ARMC1: variants seen among roughly 807,000 people sequenced by gnomAD.
ARMC1 encodes the protein armadillo repeat containing 1.
ARMC1 carries 16 observed loss-of-function variants against 31.4 expected under a neutral mutation model. The observed-to-expected ratio is 0.51, with a 90% confidence interval of 0.34 to 0.77. The LOEUF (loss-of-function observed/expected upper bound fraction) is 0.77, where lower values mean the gene tolerates loss of function less well. Ranked by LOEUF, ARMC1 falls within the 30% of genes least tolerant of loss-of-function variation. ARMC1 has a pLI of 0.01. For missense variants in ARMC1, 259 were observed against 347.5 expected (o/e 0.75, Z 2.02); for synonymous variants, 114 against 118.9 (o/e 0.96, Z 0.27).
At chr8:65,626,330 A>G (rs1191444582) in intron 2 of ARMC1, among the ~76,000 whole-genome samples, 2 of 151,946 alleles carry the variant, frequency 1.3e-5, no homozygotes, top group African/African-American at 2.4e-5. Flanking sequence ...TGGGCCGGGC[A>G]CAGTGGCTCA....
intron 3 of ARMC1, among the ~76,000 whole-genome samples, chr8:65,614,741 A>G (rs149754485): frequency 1.5e-3 from 224 of 152,280 alleles, no homozygotes; most frequent in Admixed American, 3.6e-3. Flanking sequence ...TCTTTGTTCT[A>G]GAATGCTTTC....
intron 2 of ARMC1, among the ~76,000 whole-genome samples, chr8:65,622,839 C>T (rs1484919833): frequency 6.6e-6 from 1 of 151,822 alleles, no homozygotes; most frequent in African/African-American, 2.4e-5. Context: ...AACCTCACCT[C>T]TACTAAAAAT....
At chr8:65,617,967 G>C (rs1372642624) in intron 3 of ARMC1, among the ~76,000 whole-genome samples, 1 of 151,952 alleles carries the variant, frequency 6.6e-6, no homozygotes, top group Non-Finnish European at 1.5e-5. Flanking sequence ...CCAGGCTGGA[G>C]TGCAGTGGCG....
intron 1 of ARMC1, chr8:65,632,908 T>C (rs377693380): frequency 6.6e-6 from 1 of 152,374 alleles, no homozygotes; most frequent in South Asian, 2.1e-4. Flanking sequence ...CTTTACTTTC[T>C]CTTGTTTAGT....
Position 65,602,534 on chromosome 8 carries a change from T to C in ARMC1, c.*1860A>G, listed in dbSNP as rs563723923. 6.6e-6 allele frequency: 1 copy of C among 152,246 alleles called. No individual in the cohort carries two copies. The highest frequency in any genetic ancestry group is 2.4e-5 in the African/African-American group (1 of 41,472). The allele number at this position is 152,246 out of a possible 1,614,324, so 9.4% of individuals were successfully genotyped here. On this transcript the variant is annotated 3_prime_UTR_variant, in exon 7 of 7. Coordinates refer to ENST00000276569, the MANE Select transcript of ARMC1 (RefSeq NM_018120.6). ...TTCAAAAAATGCTGTTACAGTTGTCTTAACTACTCTATATGATCTGGAATA... is the reference window on the plus strand; with the variant it reads ...TTCAAAAAATGCTGTTACAGTTGTCCTAACTACTCTATATGATCTGGAATA...
chr8:65,622,240 G>C (rs1342919108), intron 3 of ARMC1, 23 bp downstream of exon 3: 1 of 1,558,018 alleles, frequency 6.4e-7, no homozygotes, highest in Non-Finnish European at 8.8e-7. Context: ...ATAAATAAAT[G>C]AGACACTGTC....
At chr8:65,632,562 G>A (rs1208178085) in intron 1 of ARMC1, among the ~76,000 whole-genome samples, 1 of 151,836 alleles carries the variant, frequency 6.6e-6, no homozygotes, top group East Asian at 1.9e-4. Context: ...GCAGTGAGCC[G>A]AGATTGTGCC....
At chr8:65,623,808 T>TTA (rs1356131721) in intron 2 of ARMC1, among the ~76,000 whole-genome samples, 1 of 142,098 alleles carries the variant, frequency 7.0e-6, no homozygotes, top group African/African-American at 2.6e-5. Context: ...TTTTTTTTTT[T>TTA]TTTGGTGTGA....
Position 65,605,556 on chromosome 8 carries a change from A to C in ARMC1, c.466-18T>G, listed in dbSNP as rs779022449. On this transcript the variant is annotated intron_variant, in intron 4 of 6. Coordinates refer to ENST00000276569, the MANE Select transcript of ARMC1 (RefSeq NM_018120.6). The stretch of plus-strand genomic sequence containing the variant: ...CTCCGAGACTGAAAAAGTAAAAGCA[A>C]ATTGTTATGAAAATAGGTAAATAAA... 1 of 1,532,134 alleles carries C rather than the reference A, an allele frequency of 6.5e-7. No individual in the cohort carries two copies. The highest frequency in any genetic ancestry group is 1.1e-5 in the South Asian group (1 of 89,190). The allele number at this position is 1,532,134 out of a possible 1,614,324, so 94.9% of individuals were successfully genotyped here.
rs201008780 is a variant in ARMC1, at chr8:65,623,786, CTTTTTTTTTTTTT to C, written c.184-1445_184-1433del. Among the ~76,000 whole-genome samples the C allele has an allele frequency of 7.3e-4, 19 of 26,088 alleles. 1 individual carries two copies. The East Asian group carries it at 0.019, about 27-fold the overall frequency. The allele number at this position is 26,088 out of a possible 152,430, so 17.1% of individuals were successfully genotyped here. ...ATGCCAGAAGACAACAAAGTAAAATCTTTTTTTTTTTTTTTTTTTTTTTTTGGTGTGATGGAGT... is the reference window on the plus strand; with the variant it reads ...ATGCCAGAAGACAACAAAGTAAAATCTTTTTTTTTTTTGGTGTGATGGAGT... On this transcript the variant is annotated intron_variant, in intron 2 of 6. Coordinates refer to ENST00000276569, the MANE Select transcript of ARMC1 (RefSeq NM_018120.6).
intron 1 of ARMC1, among the ~76,000 whole-genome samples, chr8:65,631,744 C>A (rs1362644844): frequency 1.3e-5 from 2 of 152,114 alleles, no homozygotes; most frequent in African/African-American, 4.8e-5. Context: ...AAAATGTCCG[C>A]CTTTGCTGGG....
chr8:65,630,803 T>C (rs2129044618), intron 1 of ARMC1, among the ~76,000 whole-genome samples: 1 of 142,790 alleles, frequency 7.0e-6, no homozygotes, highest in South Asian at 2.3e-4. Context: ...TGGGCAACAG[T>C]GCCAGACTCC....
chr8:65,611,608 G>GT (rs1323006540), intron 4 of ARMC1, among the ~76,000 whole-genome samples: 1 of 151,814 alleles, frequency 6.6e-6, no homozygotes, highest in Non-Finnish European at 1.5e-5. Flanking sequence ...TTTTCTTAAG[G>GT]TAGAAGCTTA....
chr8:65,628,529 G>A (rs929778096), intron 1 of ARMC1, among the ~76,000 whole-genome samples: 7 of 148,618 alleles, frequency 4.7e-5, no homozygotes, highest in Non-Finnish European at 7.4e-5. Flanking sequence ...TTACAGGCAT[G>A]AGCCACCGTG....
chr8:65,617,239 A>C (rs1808290812), intron 3 of ARMC1, among the ~76,000 whole-genome samples: 3 of 152,236 alleles, frequency 2.0e-5, no homozygotes, highest in African/African-American at 7.2e-5. Flanking sequence ...GTGTAGAAAG[A>C]AGTAGACATA....
In ARMC1 at chr8:65,603,219, A is replaced by C. The variant is rs1041674385; in HGVS notation, c.*1175T>G. Reference sequence around the variant, plus strand: ...TAATTAGCACTTATCTACCAAAAAAACATATGTGTATGTATTTATTTATCT... The same window carrying C: ...TAATTAGCACTTATCTACCAAAAAACCATATGTGTATGTATTTATTTATCT... On this transcript the variant is annotated 3_prime_UTR_variant, in exon 7 of 7. Transcript: ENST00000276569. 1 of 152,230 alleles carries C rather than the reference A, an allele frequency of 6.6e-6. No individual in the cohort carries two copies. Among genetic ancestry groups the C allele is most frequent in the East Asian group, 1.9e-4 (1 of 5,206 alleles). The allele number at this position is 152,230 out of a possible 1,614,324, so 9.4% of individuals were successfully genotyped here.
Position 65,627,280 on chromosome 8 carries a change from C to T in ARMC1, c.119G>A (p.Cys40Tyr). 1 of 1,612,920 alleles carries T rather than the reference C, an allele frequency of 6.2e-7. No homozygotes were observed. Among genetic ancestry groups the T allele is most frequent in the Non-Finnish European group, 8.5e-7 (1 of 1,179,436 alleles). ...CATAAATAAAATAAGGCCAGGCAGA[C>T]ATCCCTGATCCTGGACGATGGCTCT... is the stretch of plus-strand genomic sequence containing the variant. Reference protein sequence around the residue: ...NRRAIVQDQGCLPGLILFMDH... With the variant: ...NRRAIVQDQGYLPGLILFMDH... Residue 40 changes from cysteine to tyrosine, a missense_variant, in exon 2 of 7, where the codon TGT becomes TAT. Cys to Tyr is a radical substitution (Grantham distance 194). Coordinates refer to ENST00000276569, the MANE Select transcript of ARMC1 (RefSeq NM_018120.6).
chr8:65,611,860 AC>A (rs1808149648), intron 4 of ARMC1, among the ~76,000 whole-genome samples: 1 of 148,388 alleles, frequency 6.7e-6, no homozygotes, highest in Non-Finnish European at 1.5e-5. Context: ...CACAACCTCC[AC>A]CTCCTGGGTT....
chr8:65,622,029 C>A (rs576688772), intron 3 of ARMC1, among the ~76,000 whole-genome samples: 1 of 152,114 alleles, frequency 6.6e-6, no homozygotes, highest in African/African-American at 2.4e-5. Flanking sequence ...CCTCCACCTC[C>A]GGGGTTCCAG....
Sources: allele counts gnomAD v4.1 joint callset (sites outside exome capture counted in the v4.1 genomes callset), GRCh38; gene constraint gnomAD v4.1.1; transcripts MANE v1.5; gene names NCBI Gene and HGNC (gene_info 2026-07-23, HGNC 2026-07-21).